The following ZNF493 variants were observed in gnomAD, a reference collection of about 807,000 sequenced individuals.
ZNF493 encodes the protein zinc finger protein 493.
In ZNF493, 11 loss-of-function variants were observed where a neutral mutation model predicts 12.2. The observed-to-expected ratio is 0.90, with a 90% CI of 0.57 to 1.50. The LOEUF (loss-of-function observed/expected upper bound fraction) is 1.50, where lower values mean the gene tolerates loss of function less well. Ranked by LOEUF, ZNF493 falls within the 40% of genes most tolerant of loss-of-function variation. The pLI, the probability that ZNF493 is intolerant of heterozygous loss-of-function variation, is 0.00. For missense variants in ZNF493, 950 were observed against 906.6 expected (o/e 1.05, Z -0.61); for synonymous variants, 286 against 302.6 (o/e 0.95, Z 0.57).
chr19:21,410,849 A>G (rs112195516), intron 3 of ZNF493, among the ~76,000 whole-genome samples: 21,462 of 151,788 alleles, frequency 0.14, 1,995 homozygotes, highest in Non-Finnish European at 0.21. Context: ...CTGGAGTGCA[A>G]TGGGATGATG....
intron 3 of ZNF493, among the ~76,000 whole-genome samples, chr19:21,409,327 T>A (rs1411281815): frequency 6.6e-6 from 1 of 152,236 alleles, no homozygotes; most frequent in Non-Finnish European, 1.5e-5. Context: ...AGAGAAACAC[T>A]TCTGGGATTT....
chr19:21,397,188 C>T lies in ZNF493; in HGVS notation c.-50C>T. 1 of 1,611,252 alleles carries T rather than the reference C, an allele frequency of 6.2e-7. No individual in the cohort carries two copies. The highest frequency in any genetic ancestry group is 1.3e-5 in the African/African-American group (1 of 75,034). On this transcript the variant is annotated 5_prime_UTR_variant, in exon 1 of 4. Coordinates refer to ENST00000392288, the MANE Select transcript of ZNF493 (RefSeq NM_001076678.3). ...TCTACCCTTCACTGCTCTGTGTCCT[C>T]AGCGTGTGTGGCTTCGTGACCTGAA...
chr19:21,398,652 T>C, intron 1 of ZNF493: 1 of 403,282 alleles, frequency 2.5e-6, no homozygotes, highest in African/African-American at 2.2e-5. Flanking sequence ...AGGGAGCAAG[T>C]GGATATTCTG....
intron 3 of ZNF493, among the ~76,000 whole-genome samples, chr19:21,411,321 T>G (rs1054098468): frequency 2.0e-5 from 3 of 151,738 alleles, no homozygotes; most frequent in South Asian, 2.1e-4. Context: ...AGTATCACAC[T>G]TTTTGTTATT....
chr19:21,425,639 A>T lies in ZNF493; in HGVS notation c.*655A>T, dbSNP rs568817121. On this transcript the variant is annotated 3_prime_UTR_variant, in exon 4 of 4. Transcript: ENST00000392288. The stretch of plus-strand genomic sequence containing the variant: ...AAAAATGTGGCAAACCTTTTAACCA[A>T]TCCTCAACCCTTACTACACATTAGA... 1.2e-5 allele frequency: 10 copies of T among 806,134 alleles called. No individual in the cohort carries two copies. The South Asian group carries it at 1.3e-4, about 11-fold the overall frequency. The allele number at this position is 806,134 out of a possible 1,614,324, so 49.9% of individuals were successfully genotyped here.
At chr19:21,417,451 T>C (rs2030528557) in intron 3 of ZNF493, among the ~76,000 whole-genome samples, 1 of 152,190 alleles carries the variant, frequency 6.6e-6, no homozygotes, top group African/African-American at 2.4e-5. Context: ...GGGATTAGCA[T>C]TGTTGAAAGC....
chr19:21,408,143 T>G (rs2030197417), intron 3 of ZNF493: 3 of 687,680 alleles, frequency 4.4e-6, no homozygotes, highest in Non-Finnish European at 5.0e-6. Context: ...TTTTTTTTTT[T>G]GAGACAGGAG....
chr19:21,425,065 A>AG lies in ZNF493; in HGVS notation c.*81_*82insG. ...GCTTTTCACCAGTACTTTACCCTTAATACACATAAGATAATTAATGCTGGA... is the reference window on the plus strand; with the variant it reads ...GCTTTTCACCAGTACTTTACCCTTAAGTACACATAAGATAATTAATGCTGGA... On this transcript the variant is annotated 3_prime_UTR_variant, in exon 4 of 4. Transcript: ENST00000392288. 1.4e-6 allele frequency: 2 copies of AG among 1,436,168 alleles called. No homozygotes were observed. Among genetic ancestry groups the AG allele is most frequent in the South Asian group, 2.4e-5 (2 of 81,946 alleles). The allele number at this position is 1,436,168 out of a possible 1,614,324, so 89.0% of individuals were successfully genotyped here. A position where few individuals can be genotyped will look rare whatever the true frequency, so the allele number is the denominator to read the frequency against.
intron 3 of ZNF493, chr19:21,407,625 CTTGTT>C: frequency 1.0e-6 from 1 of 979,570 alleles, no homozygotes; most frequent in South Asian, 4.7e-5. Context: ...TATCCAATAG[CTTGTT>C]TTAAGTGTGT....
chr19:21,405,046 C>A, intron 1 of ZNF493, 83 bp from the exon 2 acceptor site: 1 of 1,531,866 alleles, frequency 6.5e-7, no homozygotes. Context: ...TTTACTTTCT[C>A]ATTTGACCTT....
chr19:21,402,988 A>G (rs905029415), intron 1 of ZNF493, among the ~76,000 whole-genome samples: 3 of 152,234 alleles, frequency 2.0e-5, no homozygotes, highest in African/African-American at 4.8e-5. Context: ...TTCTATTTAG[A>G]ATCAGCATGA....
chr19:21,418,363 C>T (rs561003265), intron 3 of ZNF493, among the ~76,000 whole-genome samples: 18 of 152,328 alleles, frequency 1.2e-4, no homozygotes, highest in African/African-American at 4.1e-4. Context: ...GAATGAACCA[C>T]AGCACACACT....
intron 3 of ZNF493, among the ~76,000 whole-genome samples, chr19:21,419,529 G>T (rs909726095): frequency 1.3e-5 from 2 of 152,096 alleles, no homozygotes; most frequent in Non-Finnish European, 2.9e-5. Context: ...AATCCAGCAC[G>T]GGAGAAAGAT....
intron 2 of ZNF493, 86 bp downstream of exon 2, chr19:21,405,341 G>A (rs780136170): frequency 1.5e-5 from 23 of 1,544,290 alleles, no homozygotes; most frequent in Non-Finnish European, 2.0e-5. Context: ...GGTAATTTAT[G>A]CTTTGCATAA....
At chr19:21,409,460 G>A (rs2968079) in intron 3 of ZNF493, among the ~76,000 whole-genome samples, 12 of 149,660 alleles carry the variant, frequency 8.0e-5, no homozygotes, top group African/African-American at 2.7e-4. Context: ...ACATTTCATG[G>A]CCCAACATGT....
rs761240235 is a variant in ZNF493 at position 21,424,325 on chromosome 19, C to T, written c.1666C>T (p.Arg556Trp). The change falls in exon 4 of 4, where the codon CGG becomes TGG. Residue 556 changes from arginine to tryptophan, a missense_variant. Arg to Trp is a moderately radical substitution (Grantham distance 101, BLOSUM62 -3). Transcript: ENST00000392288. Reference protein sequence around the residue: ...KCEECGKAFNRSSHLTTHKRI... With the variant: ...KCEECGKAFNWSSHLTTHKRI... ...TGAAGAATGTGGCAAAGCTTTTAAT[C>T]GGTCCTCACACCTTACTACACATAA... 2.5e-5 allele frequency: 40 copies of T among 1,612,730 alleles called. No individual in the cohort carries two copies. The highest frequency in any genetic ancestry group is 1.3e-4 in the Admixed American group (8 of 59,864).
chr19:21,416,937 G>A (rs766221277), intron 3 of ZNF493, among the ~76,000 whole-genome samples: 2 of 152,186 alleles, frequency 1.3e-5, no homozygotes, highest in Non-Finnish European at 2.9e-5. Context: ...CTTTAGCGGG[G>A]GTTCCCAAGG....
chr19:21,397,168 C>T lies in ZNF493; in HGVS notation c.-70C>T. ...TCTGCTGCCGGAGCTCCAGGTCTACCCTTCACTGCTCTGTGTCCTCAGCGT... is the reference window on the plus strand; with the variant it reads ...TCTGCTGCCGGAGCTCCAGGTCTACTCTTCACTGCTCTGTGTCCTCAGCGT... On this transcript the variant is annotated 5_prime_UTR_variant, in exon 1 of 4. Transcript: ENST00000392288. The T allele has an allele frequency of 3.2e-6, 5 of 1,583,324 alleles. No homozygotes were observed. Among genetic ancestry groups the T allele is most frequent in the Middle Eastern group, 1.7e-4 (1 of 6,028 alleles).
rs1353461164 is a variant in ZNF493, at chr19:21,406,077, C to T, written c.253+221C>T. Among the ~76,000 whole-genome samples the T allele has an allele frequency of 1.3e-5, 2 of 152,060 alleles. 1 individual carries two copies. Among genetic ancestry groups the T allele is most frequent in the South Asian group, 4.1e-4 (2 of 4,824 alleles). ...TCTCTACTAAAAATACAAAAATTAG[C>T]CAGGCGTGGTGGCAGTTGCCTGTAA... On this transcript the variant is annotated intron_variant, in intron 3 of 3. Transcript: ENST00000392288.
Sources: gnomAD v4.1 joint callset for allele counts (sites outside exome capture counted in the v4.1 genomes callset) on GRCh38, gnomAD v4.1.1 for gene constraint, MANE v1.5 for transcripts, NCBI Gene and HGNC (gene_info 2026-07-23, HGNC 2026-07-21) for gene names.